Variants in RGS12 observed in about 807,000 individuals in gnomAD.
The protein encoded by RGS12 is regulator of G-protein signaling 12.
Under a neutral mutation model 120.1 loss-of-function variants are expected in RGS12, and 66 were observed. That is an observed-to-expected ratio of 0.55 (90% confidence interval 0.45 to 0.67). The LOEUF (loss-of-function observed/expected upper bound fraction) is 0.67. RGS12 is among the 30% of genes least tolerant of loss of function. The pLI, the probability that RGS12 is intolerant of heterozygous loss-of-function variation, is 0.00. For synonymous variants in RGS12, 827 were observed against 804.7 expected (o/e 1.03, Z -0.47); for missense variants, 1,859 against 1,957.7 (o/e 0.95, Z 0.95).
intron 3 of RGS12, among the ~76,000 whole-genome samples, chr4:3,343,939 A>G (rs1022903299): frequency 1.3e-5 from 2 of 152,218 alleles, no homozygotes; most frequent in Non-Finnish European, 1.5e-5. Context: ...TACTTGTTGT[A>G]TGGCATTCTG....
At chr4:3,288,516 G>C (rs1722950646), upstream of RGS12, among the ~76,000 whole-genome samples, 1 of 152,144 alleles carries the variant, frequency 6.6e-6, no homozygotes, top group Admixed American at 6.5e-5. The surrounding 1 kb of genome is among the most constrained non-coding windows in gnomAD (Gnocchi z 5.2). Context: ...AGGTGGACCT[G>C]GTCAAGCTCT....
At position 3,316,738 on chromosome 4, in the gene RGS12, A is replaced by G. The variant is rs1475559466; in HGVS notation, c.568A>G (p.Asn190Asp). 1 of 1,614,212 alleles carries G rather than the reference A, an allele frequency of 6.2e-7. No homozygotes were observed. Among genetic ancestry groups the G allele is most frequent in the Non-Finnish European group, 8.5e-7 (1 of 1,180,044 alleles). Residue 190 changes from asparagine to aspartate, a missense_variant, in exon 2 of 18, where the codon AAT becomes GAT. Around this residue, in one of 3 missense-constraint regions of RGS12, gnomAD observed 967 missense variants for 994.2 expected, o/e 0.97. Transcript: ENST00000336727. Reference protein sequence around the residue: ...DVGHESINNPNPNMLSKEEIS... With the variant: ...DVGHESINNPDPNMLSKEEIS... ...TGGACATGAAAGTATAAATAATCCAAATCCCAACATGCTTTCTAAGGAGGA... is the reference window on the plus strand; with the variant it reads ...TGGACATGAAAGTATAAATAATCCAGATCCCAACATGCTTTCTAAGGAGGA...
intron 1 of RGS12, among the ~76,000 whole-genome samples, chr4:3,295,375 C>A (rs962667777): frequency 1.3e-5 from 2 of 152,114 alleles, no homozygotes; most frequent in African/African-American, 2.4e-5. Flanking sequence ...AATAATCAGG[C>A]TGGGCTGGGT....
intron 3 of RGS12, among the ~76,000 whole-genome samples, chr4:3,363,806 G>A (rs1715990635): frequency 6.6e-6 from 1 of 152,124 alleles, no homozygotes; most frequent in African/African-American, 2.4e-5. Context: ...GAACCCCTGG[G>A]ACCCAGGGGT....
At chr4:3,302,830 G>A (rs1180428033) in intron 1 of RGS12, among the ~76,000 whole-genome samples, 2 of 152,140 alleles carry the variant, frequency 1.3e-5, no homozygotes, top group Admixed American at 6.5e-5. Context: ...GAGTCGTGGG[G>A]GGAGGAGAGA....
chr4:3,430,688 G>C lies in RGS12; in HGVS notation c.3847G>C (p.Gly1283Arg), dbSNP rs777074474. 5 of 1,575,844 alleles carry C rather than the reference G, an allele frequency of 3.2e-6. No individual in the cohort carries two copies. Among genetic ancestry groups the C allele is most frequent in the African/African-American group, 1.3e-5 (1 of 74,178 alleles). Residue 1283 changes from glycine (G) to arginine (R), a missense_variant, in exon 17 of 18, where the codon GGA becomes CGA. Gly to Arg is a moderately radical substitution (Grantham distance 125). Around this residue, in one of 3 missense-constraint regions of RGS12, gnomAD observed 517 missense variants for 488.5 expected, o/e 1.06. Coordinates refer to ENST00000336727, the MANE Select transcript of RGS12 (RefSeq NM_001394154.1). Reference sequence around the variant, plus strand: ...CCCGGGCTCAGCCTCCAGCCCCCCTGGACCTCCTGGGACGACCCCCCCCGG... The same window carrying C: ...CCCGGGCTCAGCCTCCAGCCCCCCTCGACCTCCTGGGACGACCCCCCCCGG... ...TSPGSASSPP[G>R]PPGTTPPGQK...
rs1712525284 is a variant in RGS12, at chr4:3,336,787, GA to G, written c.1882-6148del. ...ACCCACAGAATGAAGGCAACCCACA[GA>G]ATGGGAGAAAACATTTGCAAGCCAT... On this transcript the variant is annotated intron_variant, in intron 2 of 17. Coordinates refer to ENST00000336727, the MANE Select transcript of RGS12 (RefSeq NM_001394154.1). Among the ~76,000 whole-genome samples the G allele has an allele frequency of 2.0e-5, 3 of 152,330 alleles. No individual in the cohort carries two copies. In the South Asian group the frequency reaches 6.2e-4, roughly 32 times the overall value.
intron 4 of RGS12, among the ~76,000 whole-genome samples, chr4:3,405,754 GT>G (rs1163720793): frequency 6.6e-6 from 1 of 152,188 alleles, no homozygotes; most frequent in Non-Finnish European, 1.5e-5. Context: ...GTGTGAACGT[GT>G]TTAGAGGAAG....
intron 1 of RGS12, among the ~76,000 whole-genome samples, chr4:3,312,001 A>G (rs1201770745): frequency 6.6e-6 from 1 of 152,192 alleles, no homozygotes; most frequent in African/African-American, 2.4e-5. Flanking sequence ...GCTGGGTTAA[A>G]TGATCTCCAG....
chr4:3,375,277 T>C (rs1394851645), intron 3 of RGS12, among the ~76,000 whole-genome samples: 3 of 137,892 alleles, frequency 2.2e-5, no homozygotes, highest in East Asian at 4.4e-4. Flanking sequence ...ATCTCCAGCC[T>C]CATCTCCAGC....
chr4:3,393,793 T>C (rs1449891456), intron 4 of RGS12, among the ~76,000 whole-genome samples: 1 of 152,208 alleles, frequency 6.6e-6, no homozygotes, highest in Non-Finnish European at 1.5e-5. Flanking sequence ...TTTTTTCACC[T>C]TACTTGTGGG....
At position 3,370,256 on chromosome 4, in the gene RGS12, C is replaced by G; in HGVS notation, c.1999-16160C>G. ...TTAGACCCGGGTGCCTAGTGTGGCT[C>G]GGTGCCTTACAATGAATTTGGGGAA... On this transcript the variant is annotated intron_variant, in intron 3 of 17. Coordinates refer to ENST00000336727, the MANE Select transcript of RGS12 (RefSeq NM_001394154.1). 1.9e-6 allele frequency: 3 copies of G among 1,613,904 alleles called. No individual in the cohort carries two copies. The East Asian group carries it at 6.7e-5, about 36-fold the overall frequency.
At chr4:3,414,969 A>G (rs1577072711) in intron 6 of RGS12, 125 bp downstream of exon 6, 2 of 433,326 alleles carry the variant, frequency 4.6e-6, no homozygotes, top group East Asian at 4.1e-5. Context: ...GGGGCGTGAG[A>G]GGGGCGTGTG....
At chr4:3,347,258 C>A (rs1321042524) in intron 3 of RGS12, among the ~76,000 whole-genome samples, 1 of 152,086 alleles carries the variant, frequency 6.6e-6, no homozygotes, top group Admixed American at 6.6e-5. Flanking sequence ...TCCTGGCTAA[C>A]GTGGTGAGAC....
chr4:3,417,077 G>A lies in RGS12; in HGVS notation c.2592G>A (p.Val864=), dbSNP rs768650017. 19 of 1,602,250 alleles carry A rather than the reference G, an allele frequency of 1.2e-5. No individual in the cohort carries two copies. The South Asian group carries it at 2.0e-4, about 17-fold the overall frequency. The change falls in exon 8 of 18, where the codon GTG becomes GTA. Residue 864 remains valine, a synonymous_variant. Coordinates refer to ENST00000336727, the MANE Select transcript of RGS12 (RefSeq NM_001394154.1). ...KHSLGSDHSS[V]STPKKLSGKS... ...GCCTCGGTTCAGACCACTCCAGTGT[G>A]TCCACGCCAAAAAAGGTGACCTCCC...
chr4:3,428,791 G>A, intron 16 of RGS12, 80 bp downstream of exon 16: 1 of 1,287,494 alleles, frequency 7.8e-7, no homozygotes, highest in Non-Finnish European at 1.1e-6. Context: ...TCTGCTTTGA[G>A]CTGTCAGCAT....
At chr4:3,331,386 A>G (rs1560091471) in intron 2 of RGS12, among the ~76,000 whole-genome samples, 2 of 152,202 alleles carry the variant, frequency 1.3e-5, no homozygotes, top group Non-Finnish European at 2.9e-5. Context: ...GGGAATATGA[A>G]CATATTTACT....
intron 3 of RGS12, among the ~76,000 whole-genome samples, chr4:3,381,822 G>C (rs892561433): frequency 8.5e-5 from 13 of 152,136 alleles, no homozygotes; most frequent in Non-Finnish European, 1.6e-4. Context: ...CAGAGAAATT[G>C]GTCATGACTT....
At chr4:3,334,106 G>A (rs1712184596) in intron 2 of RGS12, among the ~76,000 whole-genome samples, 1 of 152,138 alleles carries the variant, frequency 6.6e-6, no homozygotes, top group Non-Finnish European at 1.5e-5. Context: ...GTTGAAAAAG[G>A]AATTAAAATA....
Sources: gnomAD v4.1 joint callset for allele counts (sites outside exome capture counted in the v4.1 genomes callset) on GRCh38, gnomAD v4.1.1 for gene constraint, gnomAD v4.1.1 regional missense constraint, Gnocchi (gnomAD v3.1) non-coding constraint, MANE v1.5 for transcripts, NCBI Gene and HGNC (gene_info 2026-07-23, HGNC 2026-07-21) for gene names.